Variants in TMEM135 observed in about 807,000 individuals in gnomAD.
TMEM135 encodes the protein peroxisomal membrane protein 52.
TMEM135 carries 30 observed loss-of-function variants against 60.3 expected under a neutral mutation model. That is an observed-to-expected ratio of 0.50 (90% CI 0.37 to 0.68). TMEM135 has a LOEUF of 0.68. TMEM135 is among the 30% of genes least tolerant of loss of function. The pLI is 0.00. For missense variants in TMEM135, 468 were observed against 548.8 expected (o/e 0.85, Z 1.47); for synonymous variants, 190 against 186.7 (o/e 1.02, Z -0.14).
intron 1 of TMEM135, among the ~76,000 whole-genome samples, chr11:87,039,174 G>T (rs1487092222): frequency 6.6e-6 from 1 of 152,156 alleles, no homozygotes; most frequent in Non-Finnish European, 1.5e-5. Context: ...AGTGTGTCAT[G>T]GCTGTATCTG....
intron 14 of TMEM135, among the ~76,000 whole-genome samples, chr11:87,320,741 A>G (rs1942805717): frequency 6.6e-6 from 1 of 152,144 alleles, no homozygotes; most frequent in East Asian, 1.9e-4. Flanking sequence ...TGCACATTTG[A>G]ATGTGTTTTC....
At chr11:87,307,062 T>C (rs1177089717) in intron 9 of TMEM135, among the ~76,000 whole-genome samples, 2 of 152,060 alleles carry the variant, frequency 1.3e-5, no homozygotes, top group Non-Finnish European at 2.9e-5. Flanking sequence ...TCCAATGCTG[T>C]AGAAAGTTTA....
intron 6 of TMEM135, among the ~76,000 whole-genome samples, chr11:87,269,307 CT>C (rs34439506): frequency 8.5e-4 from 103 of 121,114 alleles, no homozygotes; most frequent in African/African-American, 2.5e-3. Flanking sequence ...TATGAGGAAG[CT>C]TTTTTTTTTG....
intron 6 of TMEM135, chr11:87,258,834 T>G: frequency 5.6e-6 from 4 of 710,992 alleles, no homozygotes; most frequent in Non-Finnish European, 7.6e-6. Context: ...ACAGCTCATA[T>G]ACGGCAGTAA....
At chr11:87,318,883 T>C (rs643207) in intron 13 of TMEM135, among the ~76,000 whole-genome samples, 1 of 151,482 alleles carries the variant, frequency 6.6e-6, no homozygotes, top group African/African-American at 2.4e-5. Context: ...TCTTTTTTTT[T>C]TTTTTGAGAT....
chr11:87,183,122 T>C (rs537682572), intron 5 of TMEM135, among the ~76,000 whole-genome samples: 14 of 149,698 alleles, frequency 9.4e-5, no homozygotes, highest in Non-Finnish European at 2.1e-4. Context: ...TTAACATGAG[T>C]TGGTAATCAC....
intron 1 of TMEM135, among the ~76,000 whole-genome samples, chr11:87,054,843 A>T (rs762855966): frequency 2.0e-5 from 3 of 152,146 alleles, no homozygotes; most frequent in Non-Finnish European, 2.9e-5. Flanking sequence ...CACAGGAGGC[A>T]CTGAATTAAC....
At chr11:87,212,919 CTATT>C (rs1186744783) in intron 5 of TMEM135, among the ~76,000 whole-genome samples, 1 of 150,566 alleles carries the variant, frequency 6.6e-6, no homozygotes. Flanking sequence ...ATAGAAATTA[CTATT>C]TATTTACAAA....
intron 6 of TMEM135, among the ~76,000 whole-genome samples, chr11:87,240,882 A>G (rs1941117730): frequency 2.7e-5 from 2 of 73,780 alleles, no homozygotes; most frequent in African/African-American, 1.0e-4. Context: ...ATTTTAACAT[A>G]TAGATTGAAT....
intron 5 of TMEM135, among the ~76,000 whole-genome samples, chr11:87,159,115 C>A (rs989118776): frequency 6.6e-6 from 1 of 152,064 alleles, no homozygotes; most frequent in African/African-American, 2.4e-5. Flanking sequence ...AAATAGCTGG[C>A]TTTTGATCAA....
chr11:87,202,849 G>A (rs1940146767), intron 5 of TMEM135, among the ~76,000 whole-genome samples: 1 of 150,956 alleles, frequency 6.6e-6, no homozygotes. Flanking sequence ...TGGCTAACAC[G>A]GTGAAACCCC....
intron 5 of TMEM135, among the ~76,000 whole-genome samples, chr11:87,158,625 C>A (rs940729148): frequency 7.6e-6 from 1 of 131,628 alleles, no homozygotes; most frequent in Non-Finnish European, 1.6e-5. Flanking sequence ...CAACGCCCGG[C>A]TAATTTTTTG....
chr11:87,241,081 G>C (rs533402866), intron 6 of TMEM135, among the ~76,000 whole-genome samples: 3 of 152,184 alleles, frequency 2.0e-5, no homozygotes, highest in African/African-American at 7.2e-5. Context: ...TCAATTCTCT[G>C]TGAAGGCATA....
At chr11:87,194,917 C>T (rs1373571701) in intron 5 of TMEM135, among the ~76,000 whole-genome samples, 1 of 152,092 alleles carries the variant, frequency 6.6e-6, no homozygotes, top group African/African-American at 2.4e-5. Flanking sequence ...ATTATATTTT[C>T]TTACTAAAAT....
At chr11:87,091,670 TTGTATG>T (rs1486435241) in intron 4 of TMEM135, among the ~76,000 whole-genome samples, 1 of 152,094 alleles carries the variant, frequency 6.6e-6, no homozygotes, top group Non-Finnish European at 1.5e-5. Context: ...TAGGCTGTAC[TTGTATG>T]TGTATATATC....
At chr11:87,038,868 C>T (rs1419274998) in intron 1 of TMEM135, among the ~76,000 whole-genome samples, 1 of 152,110 alleles carries the variant, frequency 6.6e-6, no homozygotes, top group Non-Finnish European at 1.5e-5. Flanking sequence ...ACTTTACATA[C>T]AGGGCAATTA....
chr11:87,258,885 C>G, intron 6 of TMEM135: 1 of 977,186 alleles, frequency 1.0e-6, no homozygotes, highest in Admixed American at 1.7e-5. Flanking sequence ...GAGCCCCTTG[C>G]ATTCTTCCTG....
intron 4 of TMEM135, among the ~76,000 whole-genome samples, chr11:87,131,659 C>A (rs1342343494): frequency 6.6e-6 from 1 of 152,114 alleles, no homozygotes; most frequent in African/African-American, 2.4e-5. Flanking sequence ...CCTGAGTTTG[C>A]CACATACAGT....
chr11:87,140,180 G>A (rs546648084), intron 4 of TMEM135, among the ~76,000 whole-genome samples: 3 of 151,886 alleles, frequency 2.0e-5, no homozygotes, highest in Non-Finnish European at 4.4e-5. Context: ...CAATTCTCCC[G>A]CCTCAGCCTC....
Sources: gnomAD v4.1 joint callset for allele counts (sites outside exome capture counted in the v4.1 genomes callset) on GRCh38, gnomAD v4.1.1 for gene constraint, MANE v1.5 for transcripts, NCBI Gene and HGNC (gene_info 2026-07-23, HGNC 2026-07-21) for gene names.